The following CXorf58 variants were observed in gnomAD, a reference collection of about 807,000 sequenced individuals.
CXorf58 encodes the protein chromosome X open reading frame 58, also known as uncharacterized protein CXorf58.
CXorf58 carries 24 observed loss-of-function variants against 26.0 expected under a neutral mutation model. The ratio of observed to expected loss-of-function variants is 0.92; its 90% CI spans 0.67 to 1.30. The LOEUF (loss-of-function observed/expected upper bound fraction) is 1.30. Among genes scored for constraint, CXorf58 ranks in the 50% most tolerant of loss-of-function variants. CXorf58 has a pLI of 0.00. For missense variants in CXorf58, 236 were observed against 263.9 expected (o/e 0.89, Z 0.73); for synonymous variants, 87 against 86.1 (o/e 1.01, Z -0.06).
chrX:23,930,603 CAAA>C (rs35152285), intron 6 of CXorf58, among the ~76,000 whole-genome samples: 7 of 76,114 alleles, frequency 9.2e-5, no homozygotes, highest in African/African-American at 3.6e-4. Flanking sequence ...GACCCTGTCT[CAAA>C]AAAAAAAAAA....
chrX:23,919,718 G>T (rs755422028), intron 5 of CXorf58, among the ~76,000 whole-genome samples: 1 of 112,501 alleles, frequency 8.9e-6, no homozygotes, highest in Non-Finnish European at 1.9e-5. Context: ...GGGCATCGAA[G>T]AGTTAGGTAT....
At chrX:23,916,125 AGAAACTATAT>A in intron 4 of CXorf58, 82 bp from the exon 5 acceptor site, 1 of 512,073 alleles carries the variant, frequency 2.0e-6, no homozygotes, top group Non-Finnish European at 3.3e-6. Flanking sequence ...CCTGTATGCA[AGAAACTATAT>A]GAACTATCTT....
At chrX:23,917,348 A>AAAAG (rs1345302583) in intron 5 of CXorf58, among the ~76,000 whole-genome samples, 57 of 95,055 alleles carry the variant, frequency 6.0e-4, no homozygotes, top group Non-Finnish European at 7.6e-4. Flanking sequence ...AAAAAAAAAA[A>AAAAG]AAAGAAAGAA....
chrX:23,934,491 C>T (rs992914215), intron 6 of CXorf58, among the ~76,000 whole-genome samples: 2 of 111,736 alleles, frequency 1.8e-5, no homozygotes, highest in African/African-American at 6.5e-5. Flanking sequence ...ACTGCTGCCT[C>T]TTGGGCTCAG....
chrX:23,931,231 C>T (rs936871826), intron 6 of CXorf58, among the ~76,000 whole-genome samples: 4 of 111,939 alleles, frequency 3.6e-5, no homozygotes, highest in African/African-American at 1.3e-4. Context: ...TGCCAACTAT[C>T]TTTGCTAAGG....
At chrX:23,916,392 T>A (rs1223090091) in intron 5 of CXorf58, 64 bp downstream of exon 5, 1 of 687,962 alleles carries the variant, frequency 1.5e-6, no homozygotes, top group African/African-American at 2.2e-5. Flanking sequence ...AGTATCTGAA[T>A]TGCATTCAAA....
At chrX:23,929,464 A>C (rs967492942) in intron 6 of CXorf58, among the ~76,000 whole-genome samples, 11 of 110,973 alleles carry the variant, frequency 9.9e-5, no homozygotes, top group African/African-American at 3.6e-4. Flanking sequence ...ATATTCCCTT[A>C]AACCAAAGCC....
chrX:23,933,353 A>G (rs1928213621), intron 6 of CXorf58, among the ~76,000 whole-genome samples: 1 of 111,172 alleles, frequency 9.0e-6, no homozygotes, highest in African/African-American at 3.3e-5. Context: ...CTCCTGCCCT[A>G]TCCCTGGCTC....
intron 6 of CXorf58, among the ~76,000 whole-genome samples, chrX:23,930,058 G>A (rs1428482022): frequency 1.9e-5 from 2 of 107,317 alleles, no homozygotes; most frequent in Non-Finnish European, 1.9e-5. Flanking sequence ...TTAGCCGGGC[G>A]TGGTGGTGGG....
Position 23,911,813 on chromosome X carries a change from A to G in CXorf58, c.173A>G (p.Asn58Ser), listed in dbSNP as rs1382068254. The G allele has an allele frequency of 1.7e-6, 2 of 1,205,917 alleles. No homozygotes were observed. Among genetic ancestry groups the G allele is most frequent in the Non-Finnish European group, 2.2e-6 (2 of 891,724 alleles). Residue 58 changes from asparagine to serine, a missense_variant, in exon 3 of 9, where the codon AAC (asparagine) becomes AGC (serine). Physicochemically the swap from Asn to Ser is conservative, Grantham distance 46. Transcript: ENST00000379211. Reference protein sequence around the residue: ...IIQRAWLSHTNKMIFRLLKHA... With the variant: ...IIQRAWLSHTSKMIFRLLKHA... ...CAGAGGGCTTGGTTATCTCATACAA[A>G]CAAAATGATATTTCGACTCCTAAAA...
intron 5 of CXorf58, among the ~76,000 whole-genome samples, chrX:23,922,186 C>G (rs1163240063): frequency 9.1e-6 from 1 of 109,354 alleles, no homozygotes; most frequent in African/African-American, 3.3e-5. Flanking sequence ...ACCAGCCTGG[C>G]CAACATGGTG....
At chrX:23,918,007 AT>A (rs1198283649) in intron 5 of CXorf58, among the ~76,000 whole-genome samples, 3 of 109,997 alleles carry the variant, frequency 2.7e-5, no homozygotes, top group African/African-American at 9.9e-5. Context: ...CGCCCGGCTA[AT>A]TTTTTTTGTA....
intron 7 of CXorf58, among the ~76,000 whole-genome samples, chrX:23,937,633 C>A (rs1448733771): frequency 2.7e-5 from 3 of 109,871 alleles, no homozygotes; most frequent in Non-Finnish European, 5.7e-5. Context: ...CCATGCTGGT[C>A]AGGCTGGTCT....
chrX:23,909,390 T>C (rs959353760), intron 1 of CXorf58, among the ~76,000 whole-genome samples: 8 of 111,799 alleles, frequency 7.2e-5, no homozygotes, highest in African/African-American at 2.6e-4. Context: ...TCATGTTACA[T>C]TGCAGTCATG....
intron 5 of CXorf58, among the ~76,000 whole-genome samples, chrX:23,925,568 G>A (rs1205157632): frequency 9.2e-6 from 1 of 108,627 alleles, no homozygotes; most frequent in Non-Finnish European, 1.9e-5. Context: ...GGCTGATCTC[G>A]AACTCCTGAC....
At chrX:23,927,755 A>G (rs1928052426) in intron 6 of CXorf58, among the ~76,000 whole-genome samples, 1 of 110,162 alleles carries the variant, frequency 9.1e-6, no homozygotes, top group Non-Finnish European at 1.9e-5. Context: ...CCCACCTTCC[A>G]CCCTCTGGTA....
intron 6 of CXorf58, among the ~76,000 whole-genome samples, chrX:23,929,423 GAAAAAGAAAA>G (rs1928102166): frequency 1.3e-5 from 1 of 78,717 alleles, no homozygotes; most frequent in Non-Finnish European, 2.5e-5. Context: ...AAAAAAAAAA[GAAAAAGAAAA>G]AAAAAGAAAA....
chrX:23,928,997 C>T (rs1415384694), intron 6 of CXorf58, among the ~76,000 whole-genome samples: 1 of 111,562 alleles, frequency 9.0e-6, no homozygotes, highest in Non-Finnish European at 1.9e-5. Context: ...AAGAGTTAAA[C>T]GTGTTGTGAA....
intron 3 of CXorf58, among the ~76,000 whole-genome samples, chrX:23,913,738 C>T (rs1927645158): frequency 9.1e-6 from 1 of 109,597 alleles, no homozygotes; most frequent in African/African-American, 3.3e-5. Context: ...AACCCCGTCT[C>T]TACTAAAAAT....
Sources: gnomAD v4.1 joint callset for allele counts (sites outside exome capture counted in the v4.1 genomes callset) on GRCh38, gnomAD v4.1.1 for gene constraint, MANE v1.5 for transcripts, NCBI Gene and HGNC (gene_info 2026-07-23, HGNC 2026-07-21) for gene names.